XKR6: variants seen among roughly 807,000 people sequenced by gnomAD.
XKR6 encodes XK-related protein 6.
XKR6 carries 22 observed loss-of-function variants against 56.7 expected under a neutral mutation model. The ratio of observed to expected loss-of-function variants is 0.39; its 90% CI spans 0.28 to 0.55. XKR6 has a LOEUF of 0.55. Among genes scored for constraint, XKR6 ranks in the 20% least tolerant of loss-of-function variants. The pLI, the probability that XKR6 is intolerant of heterozygous loss-of-function variation, is 0.66. For missense variants in XKR6, 852 were observed against 889.0 expected (o/e 0.96, Z 0.53); for synonymous variants, 524 against 387.8 (o/e 1.35, Z -4.13).
chr8:11,037,950 C>A (rs376911039), intron 1 of XKR6, among the ~76,000 whole-genome samples: 2 of 151,774 alleles, frequency 1.3e-5, no homozygotes, highest in African/African-American at 4.8e-5. Context: ...TTGCTTGAAC[C>A]CAGGAGGCAG....
intron 1 of XKR6, among the ~76,000 whole-genome samples, chr8:11,030,364 G>A (rs1798964608): frequency 6.6e-6 from 1 of 152,172 alleles, no homozygotes; most frequent in South Asian, 2.1e-4. Context: ...TTGTTTCTCT[G>A]CAGATGCCAT....
At chr8:11,191,258 C>A (rs1344937360) in intron 1 of XKR6, among the ~76,000 whole-genome samples, 1 of 152,126 alleles carries the variant, frequency 6.6e-6, no homozygotes, top group Non-Finnish European at 1.5e-5. Context: ...AACACATACA[C>A]CCACCAACAA....
intron 1 of XKR6, among the ~76,000 whole-genome samples, chr8:10,938,407 G>A (rs907933296): frequency 5.6e-4 from 85 of 152,102 alleles, no homozygotes; most frequent in African/African-American, 2.0e-3. Flanking sequence ...GTTCCTATTC[G>A]GCCATCTTGG....
chr8:11,059,541 G>T (rs986303688), intron 1 of XKR6, among the ~76,000 whole-genome samples: 1 of 151,980 alleles, frequency 6.6e-6, no homozygotes, highest in African/African-American at 2.4e-5. Context: ...TTTACAACCC[G>T]GCCCGGCGAG....
intron 1 of XKR6, among the ~76,000 whole-genome samples, chr8:11,193,520 C>G (rs1803699110): frequency 6.6e-6 from 1 of 152,146 alleles, no homozygotes; most frequent in East Asian, 1.9e-4. Context: ...ATTCTCTCAG[C>G]AAATTCCATC....
Position 11,159,946 on chromosome 8 carries a change from G to A in XKR6, c.764+40630C>T, listed in dbSNP as rs1428640758. Among the ~76,000 whole-genome samples, 6 of 152,264 alleles carry A rather than the reference G, an allele frequency of 3.9e-5. No homozygotes were observed. In the East Asian group the frequency reaches 5.8e-4, roughly 15 times the overall value. On this transcript the variant is annotated intron_variant, in intron 1 of 2. Transcript: ENST00000416569. Reference sequence around the variant, plus strand: ...GGCAAGCCAAAAGCAGATCCACCACGCTGGGTCCTTGATGGAATCAAGCCG... The same window carrying A: ...GGCAAGCCAAAAGCAGATCCACCACACTGGGTCCTTGATGGAATCAAGCCG...
intron 1 of XKR6, among the ~76,000 whole-genome samples, chr8:11,098,217 ACACACACGCACT>A (rs1482798834): frequency 1.3e-5 from 2 of 151,978 alleles, no homozygotes; most frequent in Non-Finnish European, 2.9e-5. Context: ...TCTCTCACAC[ACACACACGCACT>A]CACACACGCA....
At chr8:11,114,773 G>GTGTGTGTGTGTGTGTGTA (rs34746866) in intron 1 of XKR6, among the ~76,000 whole-genome samples, 1 of 146,502 alleles carries the variant, frequency 6.8e-6, no homozygotes, top group Non-Finnish European at 1.5e-5. Context: ...GTGTGTGTGT[G>GTGTGTGTGTGTGTGTGTA]TATGTGCCAG....
intron 1 of XKR6, among the ~76,000 whole-genome samples, chr8:11,049,676 G>A (rs1400296584): frequency 6.6e-6 from 1 of 152,250 alleles, no homozygotes; most frequent in African/African-American, 2.4e-5. Context: ...TGGGCTGGCA[G>A]GGGAGGCACC....
intron 1 of XKR6, among the ~76,000 whole-genome samples, chr8:11,164,889 T>C (rs991495894): frequency 2.0e-5 from 3 of 152,144 alleles, no homozygotes; most frequent in African/African-American, 7.2e-5. Context: ...AAGCTTTGCT[T>C]ACAAATCTGT....
At chr8:11,190,277 A>T (rs1282969813) in intron 1 of XKR6, among the ~76,000 whole-genome samples, 1 of 151,748 alleles carries the variant, frequency 6.6e-6, no homozygotes, top group Non-Finnish European at 1.5e-5. Context: ...AAAGAAAAGA[A>T]AGGAAAATAA....
intron 1 of XKR6, among the ~76,000 whole-genome samples, chr8:11,093,984 C>T (rs1317322491): frequency 1.3e-5 from 2 of 151,974 alleles, no homozygotes; most frequent in Non-Finnish European, 2.9e-5. Flanking sequence ...GGGGGTTTCA[C>T]CGTGTTAGCC....
At chr8:11,069,931 T>G (rs1052565476) in intron 1 of XKR6, among the ~76,000 whole-genome samples, 2 of 152,202 alleles carry the variant, frequency 1.3e-5, no homozygotes, top group African/African-American at 4.8e-5. Flanking sequence ...GGCCTTGATA[T>G]TGACCCAAGG....
chr8:11,184,382 C>T (rs866335166), intron 1 of XKR6, among the ~76,000 whole-genome samples: 1 of 109,552 alleles, frequency 9.1e-6, no homozygotes, highest in African/African-American at 4.7e-5. Context: ...TATATATATA[C>T]ACACATACAC....
chr8:10,955,655 G>A (rs1000672512), intron 1 of XKR6, among the ~76,000 whole-genome samples: 3 of 152,182 alleles, frequency 2.0e-5, no homozygotes, highest in African/African-American at 7.2e-5. Context: ...CAGCAGAGCT[G>A]GGAGGTGAAC....
chr8:11,189,963 C>T (rs1268794014), intron 1 of XKR6, among the ~76,000 whole-genome samples: 1 of 152,094 alleles, frequency 6.6e-6, no homozygotes, highest in East Asian at 1.9e-4. Context: ...TCGAGACCAG[C>T]CTGACCAACA....
intron 1 of XKR6, among the ~76,000 whole-genome samples, chr8:11,141,621 A>C (rs2116936598): frequency 6.6e-6 from 1 of 152,312 alleles, no homozygotes; most frequent in African/African-American, 2.4e-5. Flanking sequence ...TTGGCTCAGC[A>C]ACTAGGCTCC....
At chr8:10,960,436 G>A (rs1269674950) in intron 1 of XKR6, among the ~76,000 whole-genome samples, 1 of 152,160 alleles carries the variant, frequency 6.6e-6, no homozygotes, top group Non-Finnish European at 1.5e-5. Flanking sequence ...TCTGAAGGCC[G>A]GGGGAGGAAA....
chr8:10,900,413 C>A (rs181946914), intron 2 of XKR6, among the ~76,000 whole-genome samples: 1 of 152,198 alleles, frequency 6.6e-6, no homozygotes, highest in African/African-American at 2.4e-5. Flanking sequence ...CTGCGTCACC[C>A]GTCTCACAAA....
Sources: allele counts gnomAD v4.1 joint callset (sites outside exome capture counted in the v4.1 genomes callset), GRCh38; gene constraint gnomAD v4.1.1; transcripts MANE v1.5; gene names NCBI Gene and HGNC (gene_info 2026-07-23, HGNC 2026-07-21).